NEGR1: variants seen among roughly 807,000 people sequenced by gnomAD.
The protein encoded by NEGR1 is IgLON family member 4.
In NEGR1, 10 loss-of-function variants were observed where a neutral mutation model predicts 40.9. That is an observed-to-expected ratio of 0.24 (90% confidence interval 0.15 to 0.42). The LOEUF (loss-of-function observed/expected upper bound fraction) is 0.42, where lower values mean the gene tolerates loss of function less well. Among genes scored for constraint, NEGR1 ranks in the 10% least tolerant of loss-of-function variants. The pLI, the probability that NEGR1 is intolerant of heterozygous loss-of-function variation, is 1.00. For missense variants in NEGR1, 352 were observed against 438.9 expected (o/e 0.80, Z 1.77); for synonymous variants, 185 against 166.8 (o/e 1.11, Z -0.84).
chr1:71,716,548 G>C (rs1654284501), intron 3 of NEGR1, among the ~76,000 whole-genome samples: 1 of 152,198 alleles, frequency 6.6e-6, no homozygotes, highest in South Asian at 2.1e-4. Context: ...ACATTGTTCA[G>C]TGTCTATGGT....
intron 1 of NEGR1, among the ~76,000 whole-genome samples, chr1:72,250,431 GA>G (rs1319105142): frequency 3.3e-5 from 5 of 151,880 alleles, no homozygotes; most frequent in Admixed American, 1.3e-4. Flanking sequence ...AATATGTTAG[GA>G]AAAAAATGAC....
chr1:71,647,100 G>A (rs185764960), intron 4 of NEGR1, among the ~76,000 whole-genome samples: 3 of 151,792 alleles, frequency 2.0e-5, no homozygotes, highest in Admixed American at 1.3e-4. Context: ...AAGCAAAACC[G>A]AGAGAATTCT....
At chr1:71,920,198 G>C (rs763643805) in intron 2 of NEGR1, among the ~76,000 whole-genome samples, 6 of 152,068 alleles carry the variant, frequency 3.9e-5, no homozygotes, top group African/African-American at 2.4e-5. Flanking sequence ...GCCATCTTAT[G>C]GTAATGCTCT....
At chr1:72,263,020 T>C (rs1655508730) in intron 1 of NEGR1, among the ~76,000 whole-genome samples, 1 of 151,760 alleles carries the variant, frequency 6.6e-6, no homozygotes, top group African/African-American at 2.4e-5. Flanking sequence ...ATTACCATAT[T>C]TTCAGTTTCT....
intron 1 of NEGR1, among the ~76,000 whole-genome samples, chr1:72,196,096 G>T (rs541479491): frequency 4.2e-4 from 64 of 152,098 alleles, no homozygotes; most frequent in Admixed American, 7.2e-4. Flanking sequence ...TTGTGGAGAA[G>T]TAAAAAGGAG....
chr1:71,645,835 A>G (rs1651510164), intron 4 of NEGR1, among the ~76,000 whole-genome samples: 1 of 151,832 alleles, frequency 6.6e-6, no homozygotes, highest in African/African-American at 2.4e-5. Flanking sequence ...ATTGGGCTGT[A>G]GAGAAGTTGA....
rs1646279994 is a variant in NEGR1, at chr1:71,406,721, T to C, written c.*725A>G. 6.6e-6 allele frequency: 1 copy of C among 152,512 alleles called. No homozygotes were observed. The highest frequency in any genetic ancestry group is 2.4e-5 in the African/African-American group (1 of 41,450). The allele number at this position is 152,512 out of a possible 1,614,324, so 9.4% of individuals were successfully genotyped here. On this transcript the variant is annotated 3_prime_UTR_variant, in exon 7 of 7. Coordinates refer to ENST00000357731, the MANE Select transcript of NEGR1 (RefSeq NM_173808.3). Reference sequence around the variant, plus strand: ...CAATAGCTCCTTCGTTACTTAGAGATAGTGTATGGTTTAACTTGATCACTC... The same window carrying C: ...CAATAGCTCCTTCGTTACTTAGAGACAGTGTATGGTTTAACTTGATCACTC...
At chr1:71,776,458 C>T (rs1191567023) in intron 2 of NEGR1, among the ~76,000 whole-genome samples, 161 bp from the exon 3 acceptor site, 1 of 152,098 alleles carries the variant, frequency 6.6e-6, no homozygotes, top group South Asian at 2.1e-4. Flanking sequence ...AACCTCAAGA[C>T]TTTCTAGGAG....
At chr1:71,513,882 C>A (rs1178251889) in intron 6 of NEGR1, among the ~76,000 whole-genome samples, 1 of 147,870 alleles carries the variant, frequency 6.8e-6, no homozygotes, top group Non-Finnish European at 1.5e-5. Context: ...GTGCGCGAGC[C>A]GAAGCAGGGC....
At chr1:72,198,407 C>T (rs966485888) in intron 1 of NEGR1, among the ~76,000 whole-genome samples, 1 of 151,910 alleles carries the variant, frequency 6.6e-6, no homozygotes, top group Admixed American at 6.6e-5. Flanking sequence ...TGCACATTGT[C>T]CTAGCAACAA....
At chr1:71,454,590 T>G (rs1348449672) in intron 6 of NEGR1, among the ~76,000 whole-genome samples, 1 of 152,198 alleles carries the variant, frequency 6.6e-6, no homozygotes. Context: ...TCTTACAATG[T>G]GGATCCCCAT....
chr1:71,843,354 G>A (rs1659307115), intron 2 of NEGR1, among the ~76,000 whole-genome samples: 1 of 152,142 alleles, frequency 6.6e-6, no homozygotes, highest in African/African-American at 2.4e-5. Context: ...GCAACTTGAA[G>A]TATATCTGGG....
chr1:71,557,928 C>G (rs1488406827), intron 6 of NEGR1, among the ~76,000 whole-genome samples: 5 of 151,446 alleles, frequency 3.3e-5, no homozygotes, highest in African/African-American at 1.2e-4. Flanking sequence ...CTTTCATTAT[C>G]TTGACACTTG....
intron 2 of NEGR1, among the ~76,000 whole-genome samples, chr1:71,842,886 A>T (rs552145748): frequency 1.7e-4 from 26 of 152,302 alleles, no homozygotes; most frequent in African/African-American, 5.5e-4. Flanking sequence ...TCCAATACAG[A>T]ATGTTGTCAC....
chr1:71,426,409 C>CAA (rs771358923), intron 6 of NEGR1, among the ~76,000 whole-genome samples: 1 of 152,084 alleles, frequency 6.6e-6, no homozygotes, highest in Non-Finnish European at 1.5e-5. Flanking sequence ...AAAAGGCAGT[C>CAA]TCCTTTAGAA....
intron 6 of NEGR1, among the ~76,000 whole-genome samples, chr1:71,522,261 C>T (rs1569981932): frequency 1.3e-5 from 2 of 151,968 alleles, no homozygotes; most frequent in African/African-American, 4.8e-5. Flanking sequence ...ATATACTAGG[C>T]AAGGGATGTT....
At chr1:72,239,083 A>G (rs1255948151) in intron 1 of NEGR1, among the ~76,000 whole-genome samples, 1 of 151,914 alleles carries the variant, frequency 6.6e-6, no homozygotes, top group African/African-American at 2.4e-5. Flanking sequence ...GGGTCAAAGA[A>G]GTGGTCCATT....
At chr1:72,272,486 A>G (rs138839112) in intron 1 of NEGR1, among the ~76,000 whole-genome samples, 6 of 152,076 alleles carry the variant, frequency 3.9e-5, no homozygotes, top group African/African-American at 1.4e-4. Flanking sequence ...TGTTTATTAG[A>G]TACCCTTATA....
At chr1:71,546,602 GAA>G (rs2101463778) in intron 6 of NEGR1, among the ~76,000 whole-genome samples, 1 of 151,696 alleles carries the variant, frequency 6.6e-6, no homozygotes, top group South Asian at 2.1e-4. Flanking sequence ...ACAACTCAGA[GAA>G]GTTGGCAGTA....
Sources: gnomAD v4.1 joint callset for allele counts (sites outside exome capture counted in the v4.1 genomes callset) on GRCh38, gnomAD v4.1.1 for gene constraint, MANE v1.5 for transcripts, NCBI Gene and HGNC (gene_info 2026-07-23, HGNC 2026-07-21) for gene names.